DCC: variants seen among roughly 807,000 people sequenced by gnomAD.
DCC encodes the protein netrin receptor DCC.
DCC carries 58 observed loss-of-function variants against 172.5 expected under a neutral mutation model. That is an observed-to-expected ratio of 0.34 (90% confidence interval 0.27 to 0.42). The LOEUF (loss-of-function observed/expected upper bound fraction) is 0.42, where lower values mean the gene tolerates loss of function less well. Ranked by LOEUF, DCC falls within the 10% of genes least tolerant of loss-of-function variation. The pLI is 1.00. For missense variants in DCC, 1,740 were observed against 1,791.0 expected (o/e 0.97, Z 0.51); for synonymous variants, 709 against 644.5 (o/e 1.10, Z -1.52).
chr18:53,000,814 C>G (rs948092464), intron 5 of DCC, among the ~76,000 whole-genome samples: 1 of 151,516 alleles, frequency 6.6e-6, no homozygotes, highest in African/African-American at 2.4e-5. Flanking sequence ...TAAGCACAAC[C>G]GGTATTAAAA....
intron 5 of DCC, among the ~76,000 whole-genome samples, chr18:52,936,324 G>A (rs1202357574): frequency 8.2e-6 from 1 of 122,288 alleles, no homozygotes; most frequent in East Asian, 2.1e-4. Context: ...TTTGTTGGTA[G>A]CAAAATGATT....
chr18:53,092,700 A>C (rs2043031747), intron 7 of DCC, among the ~76,000 whole-genome samples: 1 of 152,046 alleles, frequency 6.6e-6, no homozygotes, highest in African/African-American at 2.4e-5. Flanking sequence ...CTTTTCTCTC[A>C]CATGTTTATT....
At chr18:52,721,966 G>C (rs1487137269) in intron 1 of DCC, among the ~76,000 whole-genome samples, 1 of 152,190 alleles carries the variant, frequency 6.6e-6, no homozygotes, top group African/African-American at 2.4e-5. Flanking sequence ...GGAGGTTGCA[G>C]TGAGCCGAGA....
At chr18:53,082,730 T>C (rs1455999648) in intron 7 of DCC, among the ~76,000 whole-genome samples, 1 of 152,160 alleles carries the variant, frequency 6.6e-6, no homozygotes, top group Non-Finnish European at 1.5e-5. Flanking sequence ...ACGTGGTATG[T>C]ATAAATCTGT....
At chr18:52,404,807 C>G (rs1045089041) in intron 1 of DCC, among the ~76,000 whole-genome samples, 3 of 113,084 alleles carry the variant, frequency 2.7e-5, no homozygotes, top group African/African-American at 1.0e-4. Flanking sequence ...TGCTATCCCT[C>G]CCCCCTCCCC....
intron 1 of DCC, among the ~76,000 whole-genome samples, chr18:52,391,314 A>G (rs1355371891): frequency 6.6e-6 from 1 of 152,078 alleles, no homozygotes; most frequent in African/African-American, 2.4e-5. Flanking sequence ...TATGGATCTT[A>G]ATATCTAAAA....
At chr18:52,701,733 T>C (rs2036126151) in intron 1 of DCC, among the ~76,000 whole-genome samples, 1 of 152,180 alleles carries the variant, frequency 6.6e-6, no homozygotes, top group African/African-American at 2.4e-5. Flanking sequence ...TGTCACCTCT[T>C]CCTATCCTCT....
intron 1 of DCC, among the ~76,000 whole-genome samples, chr18:52,381,680 A>AAT (rs947372387): frequency 1.6e-4 from 25 of 152,182 alleles, no homozygotes; most frequent in African/African-American, 5.8e-4. Flanking sequence ...AAACGGGATC[A>AAT]ATATTTGCAG....
In DCC at chr18:53,215,565, C is replaced by A; in HGVS notation, c.1879C>A (p.Gln627Lys). ...CCTTTTAGTGCCAAGTGCCCCGCCT[C>A]AGAACGTCTCCCTGGAAGTGGTCAA... ...TLSDVPSAPP[Q>K]NVSLEVVNSR... is the part of the protein sequence containing the mutation. The change falls in exon 12 of 29, where the codon CAG becomes AAG. Residue 627 changes from glutamine (Q) to lysine (K), a missense_variant. Coordinates refer to ENST00000442544, the MANE Select transcript of DCC (RefSeq NM_005215.4). 1 of 1,613,884 alleles carries A rather than the reference C, an allele frequency of 6.2e-7. No individual in the cohort carries two copies. Among genetic ancestry groups the A allele is most frequent in the Non-Finnish European group, 8.5e-7 (1 of 1,179,804 alleles).
chr18:53,327,294 C>G (rs1004142016), intron 14 of DCC, among the ~76,000 whole-genome samples: 6 of 151,440 alleles, frequency 4.0e-5, no homozygotes, highest in Non-Finnish European at 8.8e-5. Context: ...TTTTGTGCCT[C>G]AAAATTTCAG....
At chr18:53,213,476 C>A (rs891165894) in intron 11 of DCC, among the ~76,000 whole-genome samples, 1 of 151,494 alleles carries the variant, frequency 6.6e-6, no homozygotes, top group Admixed American at 6.6e-5. Flanking sequence ...GGTGAAACCC[C>A]GTCTCTACTA....
At chr18:53,191,900 G>A (rs972618876) in intron 9 of DCC, among the ~76,000 whole-genome samples, 1 of 152,072 alleles carries the variant, frequency 6.6e-6, no homozygotes, top group Non-Finnish European at 1.5e-5. Flanking sequence ...ATCCAGAGCA[G>A]CACACCAGGG....
chr18:53,200,946 C>T (rs2055527798), intron 9 of DCC, among the ~76,000 whole-genome samples: 1 of 152,156 alleles, frequency 6.6e-6, no homozygotes, highest in Non-Finnish European at 1.5e-5. Context: ...GCACACCTCA[C>T]ACTCCTTCCT....
intron 2 of DCC, among the ~76,000 whole-genome samples, chr18:52,795,807 TC>T (rs1483327489): frequency 2.6e-5 from 4 of 152,120 alleles, no homozygotes; most frequent in Non-Finnish European, 4.4e-5. Flanking sequence ...TCTTATTTTT[TC>T]CAAGACATTT....
At chr18:52,723,349 G>A (rs2036501393) in intron 1 of DCC, among the ~76,000 whole-genome samples, 1 of 152,136 alleles carries the variant, frequency 6.6e-6, no homozygotes, top group African/African-American at 2.4e-5. Flanking sequence ...CGCTTTACTG[G>A]TGATCCTGCC....
chr18:52,604,172 A>C (rs1374142039), intron 1 of DCC, among the ~76,000 whole-genome samples: 8 of 151,972 alleles, frequency 5.3e-5, no homozygotes, highest in Admixed American at 5.3e-4. Context: ...TCAAGGACTA[A>C]GAGCCTCAAC....
chr18:53,335,662 G>A (rs1053235409), intron 14 of DCC, among the ~76,000 whole-genome samples: 1 of 152,082 alleles, frequency 6.6e-6, no homozygotes, highest in East Asian at 1.9e-4. Flanking sequence ...ATCAAGAGTG[G>A]CAATTGACCT....
chr18:52,772,481 C>G (rs1446038688), intron 2 of DCC, among the ~76,000 whole-genome samples: 1 of 152,170 alleles, frequency 6.6e-6, no homozygotes, highest in Admixed American at 6.5e-5. Flanking sequence ...GCTTTCAGTT[C>G]CTTCCCTCTG....
intron 17 of DCC, among the ~76,000 whole-genome samples, chr18:53,397,076 CCCCTTTGGACAA>C (rs1908997264): frequency 6.6e-6 from 1 of 150,928 alleles, no homozygotes; most frequent in African/African-American, 2.4e-5. Context: ...TATCTAGTAG[CCCCTTTGGACAA>C]CCATAATACC....
Sources: allele counts gnomAD v4.1 joint callset (sites outside exome capture counted in the v4.1 genomes callset), GRCh38; gene constraint gnomAD v4.1.1; transcripts MANE v1.5; gene names NCBI Gene and HGNC (gene_info 2026-07-23, HGNC 2026-07-21).